Variants in GABRG3 observed in about 807,000 individuals in gnomAD.
The protein encoded by GABRG3 is gamma-aminobutyric acid type A receptor subunit gamma3.
Under a neutral mutation model 48.8 loss-of-function variants are expected in GABRG3, and 25 were observed. That is an observed-to-expected ratio of 0.51 (90% CI 0.37 to 0.72). The LOEUF is 0.72. GABRG3 is among the 30% of genes least tolerant of loss of function. The probability of loss-of-function intolerance (pLI) is 0.00; values close to 1 mark genes in which losing one functional copy is unlikely to be tolerated. For synonymous variants in GABRG3, 227 were observed against 217.6 expected (o/e 1.04, Z -0.38); for missense variants, 394 against 577.9 (o/e 0.68, Z 3.26).
At chr15:27,139,930 C>A (rs188982197) in intron 3 of GABRG3, among the ~76,000 whole-genome samples, 3 of 152,168 alleles carry the variant, frequency 2.0e-5, no homozygotes, top group African/African-American at 7.2e-5. Context: ...TCAATCATAC[C>A]CACATAGTGA....
chr15:27,322,031 C>T (rs948727085), intron 3 of GABRG3, among the ~76,000 whole-genome samples: 8 of 152,196 alleles, frequency 5.3e-5, no homozygotes, highest in African/African-American at 1.9e-4. Flanking sequence ...ATTTCAGACA[C>T]ATTAATTTCA....
At chr15:27,072,602 A>T (rs1456624817) in intron 3 of GABRG3, among the ~76,000 whole-genome samples, 1 of 152,208 alleles carries the variant, frequency 6.6e-6, no homozygotes, top group Non-Finnish European at 1.5e-5. Context: ...TGCACAAGTG[A>T]CTTACTGCGG....
chr15:27,438,652 G>A (rs555232706), intron 5 of GABRG3, among the ~76,000 whole-genome samples: 35 of 152,284 alleles, frequency 2.3e-4, no homozygotes, highest in Non-Finnish European at 4.3e-4. Flanking sequence ...CTGCTCCTCC[G>A]GGTGTCCTTC....
chr15:27,419,871 C>A lies in GABRG3; in HGVS notation c.575-60779C>A, dbSNP rs1164221118. Among the ~76,000 whole-genome samples the A allele has an allele frequency of 2.0e-5, 3 of 152,060 alleles. No homozygotes were observed. The East Asian group carries it at 5.8e-4, about 29-fold the overall frequency. On this transcript the variant is annotated intron_variant, in intron 5 of 9. Transcript: ENST00000615808. ...GACAAATGGGTTGGGAACTTGCTGA[C>A]AAAAATGTATAGGATAGACTGGAAG...
At chr15:27,268,171 G>GT (rs1361604850) in intron 3 of GABRG3, among the ~76,000 whole-genome samples, 2 of 152,138 alleles carry the variant, frequency 1.3e-5, no homozygotes, top group Middle Eastern at 6.8e-3. Context: ...TTGACATGGA[G>GT]TTTTTTTATG....
chr15:27,341,776 A>C (rs1894188551), intron 5 of GABRG3, among the ~76,000 whole-genome samples: 1 of 152,152 alleles, frequency 6.6e-6, no homozygotes, highest in Non-Finnish European at 1.5e-5. Context: ...CAGAACCAAA[A>C]GACACTCAGG....
chr15:27,480,844 A>G, intron 6 of GABRG3, 57 bp downstream of exon 6: 1 of 1,595,794 alleles, frequency 6.3e-7, no homozygotes, highest in Non-Finnish European at 8.5e-7. Context: ...CTAAGGCCAT[A>G]TGTAGTCATA....
At chr15:27,493,460 A>G (rs1890406733) in intron 6 of GABRG3, among the ~76,000 whole-genome samples, 1 of 152,226 alleles carries the variant, frequency 6.6e-6, no homozygotes, top group Non-Finnish European at 1.5e-5. Context: ...TTTGATAACA[A>G]TTTTGTACGA....
At chr15:27,005,096 G>A (rs1895557331) in intron 2 of GABRG3, among the ~76,000 whole-genome samples, 1 of 152,006 alleles carries the variant, frequency 6.6e-6, no homozygotes. Flanking sequence ...GGGTACAGGT[G>A]GTATAACAGT....
At chr15:27,084,527 G>GT (rs1221971121) in intron 3 of GABRG3, among the ~76,000 whole-genome samples, 1 of 152,202 alleles carries the variant, frequency 6.6e-6, no homozygotes, top group Non-Finnish European at 1.5e-5. Flanking sequence ...GGTCCTGGTG[G>GT]TACAACCATG....
At chr15:27,520,231 T>C in intron 7 of GABRG3, 107 bp downstream of exon 7, 1 of 1,149,016 alleles carries the variant, frequency 8.7e-7, no homozygotes, top group Non-Finnish European at 1.2e-6. Context: ...ATGATCTCAT[T>C]TGAGGGTGAC....
intron 5 of GABRG3, among the ~76,000 whole-genome samples, chr15:27,474,728 T>C (rs1889883999): frequency 6.6e-6 from 1 of 152,218 alleles, no homozygotes; most frequent in African/African-American, 2.4e-5. Flanking sequence ...TTTTAAATGA[T>C]TGATAATCTT....
chr15:27,499,093 C>G (rs1890557518), intron 6 of GABRG3, among the ~76,000 whole-genome samples: 1 of 152,240 alleles, frequency 6.6e-6, no homozygotes, highest in East Asian at 1.9e-4. Context: ...TTCGGCATCC[C>G]AAGATAACCA....
intron 5 of GABRG3, among the ~76,000 whole-genome samples, chr15:27,400,574 T>G (rs1019462207): frequency 1.3e-5 from 2 of 152,248 alleles, no homozygotes; most frequent in Middle Eastern, 3.2e-3. Context: ...CTTCATTTTC[T>G]TAGAACTAGT....
chr15:27,493,986 T>TA (rs1890421123), intron 6 of GABRG3, among the ~76,000 whole-genome samples: 1 of 152,214 alleles, frequency 6.6e-6, no homozygotes, highest in Admixed American at 6.5e-5. Flanking sequence ...AAGCTGTGGT[T>TA]ATTCTGGTTT....
intron 5 of GABRG3, among the ~76,000 whole-genome samples, chr15:27,348,558 G>C (rs182952184): frequency 6.6e-6 from 1 of 152,180 alleles, no homozygotes; most frequent in East Asian, 1.9e-4. Context: ...TGAGTCATAG[G>C]GTGTAGTCAA....
intron 3 of GABRG3, among the ~76,000 whole-genome samples, chr15:27,244,302 C>T (rs74683892): frequency 2.0e-4 from 30 of 152,170 alleles, no homozygotes; most frequent in African/African-American, 5.3e-4. Flanking sequence ...AAGGTATGGG[C>T]GAGGATGGGC....
At chr15:27,383,920 A>G (rs1482111292) in intron 5 of GABRG3, among the ~76,000 whole-genome samples, 6 of 152,344 alleles carry the variant, frequency 3.9e-5, no homozygotes, top group African/African-American at 1.4e-4. Flanking sequence ...AGAGTGATGC[A>G]TTCAGTAGTG....
intron 3 of GABRG3, among the ~76,000 whole-genome samples, chr15:27,256,811 G>A (rs148383928): frequency 0.013 from 2,022 of 152,240 alleles, 38 homozygotes; most frequent in Non-Finnish European, 0.013. Flanking sequence ...TAGTTCTTTT[G>A]CTGTTCCACT....
Sources: gnomAD v4.1 joint callset for allele counts (sites outside exome capture counted in the v4.1 genomes callset) on GRCh38, gnomAD v4.1.1 for gene constraint, MANE v1.5 for transcripts, NCBI Gene and HGNC (gene_info 2026-07-23, HGNC 2026-07-21) for gene names.